The following RAB27A variants were observed in gnomAD, a reference collection of about 807,000 sequenced individuals.
RAB27A encodes the protein ras-related protein Rab-27A.
In RAB27A, 17 loss-of-function variants were observed where a neutral mutation model predicts 20.8. The ratio of observed to expected loss-of-function variants is 0.82; its 90% CI spans 0.56 to 1.23. The LOEUF (loss-of-function observed/expected upper bound fraction) is 1.23, where lower values mean the gene tolerates loss of function less well. Ranked by LOEUF, RAB27A falls within the 50% of genes most tolerant of loss-of-function variation. RAB27A has a pLI of 0.00. For missense variants in RAB27A, 277 were observed against 266.7 expected (o/e 1.04, Z -0.27); for synonymous variants, 85 against 92.8 (o/e 0.92, Z 0.48).
chr15:55,303,505 T>C (rs2054983409), intron 2 of RAB27A, among the ~76,000 whole-genome samples: 1 of 41,394 alleles, frequency 2.4e-5, no homozygotes, highest in African/African-American at 2.1e-4. Flanking sequence ...CGGCCGCCCC[T>C]ACTGGGAAGT....
intron 2 of RAB27A, among the ~76,000 whole-genome samples, chr15:55,249,240 C>G (rs1301014383): frequency 1.3e-5 from 2 of 152,128 alleles, no homozygotes; most frequent in Non-Finnish European, 2.9e-5. Context: ...TAAATGTGGT[C>G]TGCTTAACAA....
At chr15:55,275,446 G>T (rs1897838055) in intron 1 of RAB27A, among the ~76,000 whole-genome samples, 1 of 151,904 alleles carries the variant, frequency 6.6e-6, no homozygotes, top group African/African-American at 2.4e-5. Context: ...GACCAACATG[G>T]CAAAACCCCA....
chr15:55,313,972 CAATAAATA>C (rs58148391), intron 2 of RAB27A: 7,256 of 139,514 alleles, frequency 0.052, 241 homozygotes, highest in East Asian at 0.14. Flanking sequence ...GACTCCATCT[CAATAAATA>C]AATAAATAAA....
intron 1 of RAB27A, among the ~76,000 whole-genome samples, chr15:55,281,163 G>A (rs1224604147): frequency 1.3e-5 from 2 of 152,164 alleles, no homozygotes; most frequent in African/African-American, 4.8e-5. Context: ...CCATTTTCAT[G>A]TATAGCCAGT....
chr15:55,287,681 A>C (rs931110502), intron 1 of RAB27A, among the ~76,000 whole-genome samples: 10 of 151,848 alleles, frequency 6.6e-5, no homozygotes, highest in African/African-American at 2.4e-4. Flanking sequence ...AGGGAGGCGG[A>C]GGTTGCAGTG....
intron 2 of RAB27A, among the ~76,000 whole-genome samples, chr15:55,239,903 C>A (rs1229819742): frequency 1.3e-5 from 2 of 152,146 alleles, no homozygotes. Flanking sequence ...TCTGAGCTTG[C>A]AGTCCAGTTA....
intron 4 of RAB27A, 129 bp from the exon 5 acceptor site, chr15:55,228,841 T>G: frequency 8.3e-6 from 6 of 719,504 alleles, no homozygotes; most frequent in Non-Finnish European, 1.3e-5. Flanking sequence ...ATTTCAAAAG[T>G]ATATAGGATA....
At chr15:55,298,985 T>G (rs1307384130) in intron 2 of RAB27A, among the ~76,000 whole-genome samples, 1 of 152,200 alleles carries the variant, frequency 6.6e-6, no homozygotes, top group Non-Finnish European at 1.5e-5. Context: ...TTTCATATTG[T>G]TCAAACACAC....
At chr15:55,209,560 AT>A (rs1421814404) in intron 6 of RAB27A, among the ~76,000 whole-genome samples, 1 of 152,026 alleles carries the variant, frequency 6.6e-6, no homozygotes, top group East Asian at 1.9e-4. Context: ...GATTGATTGC[AT>A]ATCTTAGCTC....
chr15:55,239,572 A>G (rs764745811), intron 2 of RAB27A, among the ~76,000 whole-genome samples: 2 of 152,188 alleles, frequency 1.3e-5, no homozygotes, highest in Non-Finnish European at 2.9e-5. Context: ...GACAGATAAC[A>G]GGGAAATATG....
intron 2 of RAB27A, among the ~76,000 whole-genome samples, chr15:55,312,190 C>A (rs1240617123): frequency 2.0e-5 from 3 of 152,218 alleles, no homozygotes; most frequent in African/African-American, 7.2e-5. Context: ...ACAGCAGACA[C>A]CCTGCTGGAT....
At chr15:55,258,593 A>C (rs1897166103) in intron 2 of RAB27A, among the ~76,000 whole-genome samples, 1 of 152,342 alleles carries the variant, frequency 6.6e-6, no homozygotes, top group South Asian at 2.1e-4. Context: ...ACACATGTTC[A>C]GTAATACAAG....
At chr15:55,287,696 G>C (rs1898193972) in intron 1 of RAB27A, among the ~76,000 whole-genome samples, 1 of 151,642 alleles carries the variant, frequency 6.6e-6, no homozygotes, top group Non-Finnish European at 1.5e-5. Context: ...GCAGTGAGCT[G>C]AGATCGTGCC....
intron 4 of RAB27A, among the ~76,000 whole-genome samples, chr15:55,230,005 T>C (rs1230282581): frequency 6.6e-6 from 1 of 152,202 alleles, no homozygotes; most frequent in Non-Finnish European, 1.5e-5. Context: ...TTCATGTGGC[T>C]TATTTTGGTC....
intron 1 of RAB27A, among the ~76,000 whole-genome samples, chr15:55,283,383 C>T (rs990324624): frequency 1.3e-5 from 2 of 152,124 alleles, no homozygotes; most frequent in Non-Finnish European, 2.9e-5. Context: ...TGATTCCTGA[C>T]TGTGTTGATT....
intron 2 of RAB27A, among the ~76,000 whole-genome samples, chr15:55,297,437 G>A (rs1331751415): frequency 6.6e-6 from 1 of 152,236 alleles, no homozygotes; most frequent in East Asian, 1.9e-4. Context: ...GTCTGGGTCT[G>A]AGTAAAGTGG....
intron 6 of RAB27A, among the ~76,000 whole-genome samples, chr15:55,223,155 A>C (rs1895653842): frequency 6.6e-6 from 1 of 152,132 alleles, no homozygotes. Context: ...TGCAATAACC[A>C]ATAAGCCCTT....
At chr15:55,234,427 G>A (rs1896167638) in intron 3 of RAB27A, among the ~76,000 whole-genome samples, 1 of 152,142 alleles carries the variant, frequency 6.6e-6, no homozygotes, top group South Asian at 2.1e-4. Context: ...AGATACCAAA[G>A]GTGGAAGACA....
intron 3 of RAB27A, among the ~76,000 whole-genome samples, chr15:55,232,737 T>C (rs1206209765): frequency 2.0e-5 from 3 of 152,234 alleles, no homozygotes; most frequent in South Asian, 2.1e-4. Context: ...AAAGAAATAA[T>C]AAGCACCAGT....
Sources: gnomAD v4.1 joint callset for allele counts (sites outside exome capture counted in the v4.1 genomes callset) on GRCh38, gnomAD v4.1.1 for gene constraint, MANE v1.5 for transcripts, NCBI Gene and HGNC (gene_info 2026-07-23, HGNC 2026-07-21) for gene names.